ACOT12: variants seen among roughly 807,000 people sequenced by gnomAD.
ACOT12 encodes the protein acetyl-coenzyme A thioesterase.
In ACOT12, 51 loss-of-function variants were observed where a neutral mutation model predicts 67.7. That is an observed-to-expected ratio of 0.75 (90% CI 0.60 to 0.95). The LOEUF (loss-of-function observed/expected upper bound fraction) is 0.95, where lower values mean the gene tolerates loss of function less well. Among genes scored for constraint, ACOT12 ranks in the 40% least tolerant of loss-of-function variants. The pLI is 0.00. For missense variants in ACOT12, 734 were observed against 708.1 expected (o/e 1.04, Z -0.41); for synonymous variants, 251 against 244.6 (o/e 1.03, Z -0.24).
chr5:81,357,902 A>G (rs969908369), intron 5 of ACOT12, among the ~76,000 whole-genome samples: 5 of 148,776 alleles, frequency 3.4e-5, no homozygotes, highest in Non-Finnish European at 7.4e-5. Flanking sequence ...GCTACTCTGG[A>G]GGCTGAGGCA....
intron 11 of ACOT12, 122 bp downstream of exon 11, chr5:81,342,550 C>T: frequency 4.1e-6 from 4 of 976,118 alleles, no homozygotes; most frequent in Non-Finnish European, 6.3e-6. Flanking sequence ...GTCTTAGAAA[C>T]AGTTTCCTCA....
chr5:81,348,810 C>T (rs755724432), intron 5 of ACOT12, among the ~76,000 whole-genome samples: 18 of 152,036 alleles, frequency 1.2e-4, no homozygotes, highest in East Asian at 1.9e-4. Context: ...GTGATCTGCC[C>T]GCCTCGGCCT....
intron 3 of ACOT12, among the ~76,000 whole-genome samples, chr5:81,364,801 A>G (rs558553097): frequency 6.6e-5 from 10 of 152,300 alleles, no homozygotes; most frequent in African/African-American, 2.4e-4. Context: ...TGCTTTTGAA[A>G]ACAAGATATT....
intron 1 of ACOT12, among the ~76,000 whole-genome samples, chr5:81,393,189 T>A (rs7703082): frequency 0.55 from 83,238 of 151,990 alleles, 24,868 homozygotes; most frequent in African/African-American, 0.79. Flanking sequence ...CAGGTATGAG[T>A]AGTCAGCAAT....
At position 81,347,781 on chromosome 5, in the gene ACOT12, A is replaced by G. The variant is rs1759425500; in HGVS notation, c.646T>C (p.Ser216Pro). 6.2e-7 allele frequency: 1 copy of G among 1,613,766 alleles called. No homozygotes were observed. The highest frequency in any genetic ancestry group is 1.3e-5 in the African/African-American group (1 of 74,936). ...AAGGTCAAAACCAAGAACCTTGCAG[A>G]AATAGTAGCCACTGTCTCCATCCAC... ...MAWMETVATI[S>P]ASRLCWAHPF... is the part of the protein sequence containing the mutation. Residue 216 changes from serine (S) to proline (P), a missense_variant, in exon 6 of 15, where the codon TCT becomes CCT. Physicochemically the swap from Ser to Pro is moderately conservative, Grantham distance 74. Coordinates refer to ENST00000307624, the MANE Select transcript of ACOT12 (RefSeq NM_130767.3).
chr5:81,359,419 C>T (rs1257494386), intron 5 of ACOT12, among the ~76,000 whole-genome samples: 1 of 152,218 alleles, frequency 6.6e-6, no homozygotes, highest in Admixed American at 6.5e-5. Context: ...TTGTGGAAAG[C>T]ACCAGGCAAC....
chr5:81,328,495 G>C (rs1306415426), downstream of ACOT12, among the ~76,000 whole-genome samples: 1 of 152,118 alleles, frequency 6.6e-6, no homozygotes, highest in African/African-American at 2.4e-5. Context: ...TTTACAACTG[G>C]AATGCCTTAG....
At chr5:81,338,334 A>G (rs778436370) in intron 11 of ACOT12, among the ~76,000 whole-genome samples, 4 of 152,154 alleles carry the variant, frequency 2.6e-5, no homozygotes, top group African/African-American at 4.8e-5. Context: ...CCTGGTGGGA[A>G]GTGACTGGAT....
chr5:81,332,621 A>T lies in ACOT12; in HGVS notation c.1263-16T>A. On this transcript the variant is annotated splice_polypyrimidine_tract_variant and intron_variant, in intron 12 of 14. Transcript: ENST00000307624. The stretch of plus-strand genomic sequence containing the variant: ...TTCACAGGACCTGTGTATATAGAAC[A>T]GTGAAAAGCAGGTATACTTTCTACC... 2 of 1,613,136 alleles carry T rather than the reference A, an allele frequency of 1.2e-6. No individual in the cohort carries two copies. The highest frequency in any genetic ancestry group is 1.7e-6 in the Non-Finnish European group (2 of 1,179,594).
chr5:81,364,441 T>G (rs1171802253), intron 3 of ACOT12, among the ~76,000 whole-genome samples: 2 of 152,052 alleles, frequency 1.3e-5, no homozygotes, highest in Non-Finnish European at 2.9e-5. Context: ...TTTTTTTTTT[T>G]GTTTTGAGAC....
chr5:81,330,354 A>G lies in ACOT12; in HGVS notation c.*40T>C. ...TCAGGGCTAAGGGTGCTTGGAATTA[A>G]AAGTGGGAAATTAAATTACCAGTAA... On this transcript the variant is annotated 3_prime_UTR_variant, in exon 15 of 15. Transcript: ENST00000307624. 1 of 1,595,306 alleles carries G rather than the reference A, an allele frequency of 6.3e-7. No homozygotes were observed. Among genetic ancestry groups the G allele is most frequent in the Non-Finnish European group, 8.6e-7 (1 of 1,168,706 alleles).
intron 3 of ACOT12, among the ~76,000 whole-genome samples, 160 bp downstream of exon 3, chr5:81,371,590 C>T (rs1240558536): frequency 6.6e-6 from 1 of 152,134 alleles, no homozygotes; most frequent in Non-Finnish European, 1.5e-5. Context: ...GAAACATCTG[C>T]TGCTTATTAT....
At chr5:81,355,785 G>A (rs1163599654) in intron 5 of ACOT12, among the ~76,000 whole-genome samples, 10 of 152,180 alleles carry the variant, frequency 6.6e-5, no homozygotes, top group Admixed American at 6.5e-4. Flanking sequence ...TGCTTCCTGT[G>A]GGGCTGGGTC....
chr5:81,354,914 A>G (rs1465946006), intron 5 of ACOT12, among the ~76,000 whole-genome samples: 1 of 151,512 alleles, frequency 6.6e-6, no homozygotes, highest in African/African-American at 2.4e-5. Flanking sequence ...ATGGTCTCGA[A>G]CTCCTGATCT....
At chr5:81,358,246 A>C (rs1310598105) in intron 5 of ACOT12, among the ~76,000 whole-genome samples, 4 of 152,288 alleles carry the variant, frequency 2.6e-5, no homozygotes, top group South Asian at 2.1e-4. Flanking sequence ...GAGTTTCCTA[A>C]GATGTCCTAA....
chr5:81,390,877 G>C (rs1041849108), intron 1 of ACOT12, among the ~76,000 whole-genome samples: 4 of 152,172 alleles, frequency 2.6e-5, no homozygotes, highest in African/African-American at 9.7e-5. Context: ...GGGTTGTCTA[G>C]GGATGAATCT....
chr5:81,345,098 C>G lies in ACOT12; in HGVS notation c.774-57G>C. The stretch of plus-strand genomic sequence containing the variant: ...GAGGATCTTGACCCATCAGGCCCTC[C>G]TTGCACACCGCTGCCACCTCCTCGC... On this transcript the variant is annotated intron_variant, in intron 7 of 14. Transcript: ENST00000307624. 1.9e-6 allele frequency: 3 copies of G among 1,580,008 alleles called. No homozygotes were observed. The South Asian group carries it at 3.4e-5, about 18-fold the overall frequency.
At chr5:81,348,044 T>A (rs866193484) in intron 5 of ACOT12, 114 bp from the exon 6 acceptor site, 10 of 1,206,678 alleles carry the variant, frequency 8.3e-6, no homozygotes, top group Non-Finnish European at 1.2e-5. Flanking sequence ...ATTAAAGTGT[T>A]CTCAAAGCCT....
chr5:81,346,105 A>T (rs1040577245), intron 6 of ACOT12, 101 bp from the exon 7 acceptor site: 40 of 1,516,572 alleles, frequency 2.6e-5, no homozygotes, highest in Non-Finnish European at 3.4e-5. Context: ...TTTAAATTTG[A>T]CTGAAATAAA....
Sources: allele counts gnomAD v4.1 joint callset (sites outside exome capture counted in the v4.1 genomes callset), GRCh38; gene constraint gnomAD v4.1.1; transcripts MANE v1.5; gene names NCBI Gene and HGNC (gene_info 2026-07-23, HGNC 2026-07-21).